Variants in FER1L6 observed in about 807,000 individuals in gnomAD.
FER1L6 encodes the protein fer-1-like protein 6.
Under a neutral mutation model 219.2 loss-of-function variants are expected in FER1L6, and 177 were observed. That is an observed-to-expected ratio of 0.81 (90% CI 0.71 to 0.91). The LOEUF (loss-of-function observed/expected upper bound fraction) is 0.91. Among genes scored for constraint, FER1L6 ranks in the 40% least tolerant of loss-of-function variants. FER1L6 has a pLI of 0.00. For synonymous variants in FER1L6, 768 were observed against 824.3 expected, an observed-to-expected ratio of 0.93 and a Z score of 1.17; for missense variants, 2,153 against 2,259.9, an observed-to-expected ratio of 0.95 and a Z score of 0.96.
Position 123,932,410 on chromosome 8 carries a change from C to T in FER1L6, c.-7-23582C>T, listed in dbSNP as rs201274783. Among the ~76,000 whole-genome samples the T allele has an allele frequency of 7.2e-5, 11 of 152,084 alleles. No homozygotes were observed. In the East Asian group the frequency reaches 1.5e-3, roughly 21 times the overall value. The stretch of plus-strand genomic sequence containing the variant: ...AGGTGTGAGCCACCGTGCCAGGCTC[C>T]GTATTTATTCTTAAAGTTACTTTCT... On this transcript the variant is annotated intron_variant, in intron 1 of 40. Transcript: ENST00000522917.
At chr8:124,025,389 C>T (rs561086404) in intron 18 of FER1L6, among the ~76,000 whole-genome samples, 1 of 152,202 alleles carries the variant, frequency 6.6e-6, no homozygotes, top group South Asian at 2.1e-4. Flanking sequence ...GTTCATTCTT[C>T]TACATGTGGC....
intron 10 of FER1L6, among the ~76,000 whole-genome samples, 181 bp downstream of exon 10, chr8:123,977,790 C>CT (rs1180652623): frequency 6.6e-6 from 1 of 152,202 alleles, no homozygotes; most frequent in Non-Finnish European, 1.5e-5. Context: ...AACTGTTCCA[C>CT]TTCAGATCAT....
At chr8:123,926,983 T>C (rs1563689393) in intron 1 of FER1L6, among the ~76,000 whole-genome samples, 2 of 152,146 alleles carry the variant, frequency 1.3e-5, no homozygotes, top group African/African-American at 4.8e-5. Flanking sequence ...GTAATACATA[T>C]GATTTATTTC....
intron 15 of FER1L6, chr8:124,013,780 G>A: frequency 3.8e-6 from 1 of 261,262 alleles, no homozygotes; most frequent in Non-Finnish European, 7.4e-6. Flanking sequence ...GACTCTGTAG[G>A]AAACAAGAAA....
chr8:124,025,257 T>G (rs2130653005), intron 18 of FER1L6, among the ~76,000 whole-genome samples: 1 of 152,210 alleles, frequency 6.6e-6, no homozygotes, highest in East Asian at 1.9e-4. Context: ...TCATAAATTC[T>G]TTGCCAGAAG....
At chr8:123,918,344 G>A (rs907257856) in intron 1 of FER1L6, among the ~76,000 whole-genome samples, 4 of 151,126 alleles carry the variant, frequency 2.6e-5, no homozygotes, top group East Asian at 1.9e-4. Context: ...ATACATACTC[G>A]CACTGCATGA....
Position 124,003,360 on chromosome 8 carries a change from G to A in FER1L6, c.1700+13G>A. On this transcript the variant is annotated intron_variant, in intron 13 of 40. Transcript: ENST00000522917. ...CAGAAGGGAACAGGTAGGAGACATA[G>A]CCTGGGAGAACAGTCAAGGATTTTG... 1.9e-6 allele frequency: 3 copies of A among 1,596,244 alleles called. No individual in the cohort carries two copies. The highest frequency in any genetic ancestry group is 2.6e-6 in the Non-Finnish European group (3 of 1,169,616).
At chr8:124,002,369 C>T (rs10283048) in intron 12 of FER1L6, among the ~76,000 whole-genome samples, 465 of 152,080 alleles carry the variant, frequency 3.1e-3, no homozygotes, top group African/African-American at 0.011. Context: ...GGGTCAGGAA[C>T]GAAGAAGTTA....
Position 124,030,234 on chromosome 8 carries a change from T to C in FER1L6, c.2287-5043T>C, listed in dbSNP as rs547443422. On this transcript the variant is annotated intron_variant, in intron 18 of 40. Transcript: ENST00000522917. The stretch of plus-strand genomic sequence containing the variant: ...TTTGTAAGTTTTAGGAAACTTCTCT[T>C]CCTGGAAACTATTAATACAGAGGAA... Among the ~76,000 whole-genome samples, 5 of 152,294 alleles carry C rather than the reference T, an allele frequency of 3.3e-5. No homozygotes were observed. The South Asian group carries it at 8.3e-4, about 25-fold the overall frequency.
chr8:123,996,127 A>G (rs887685070), intron 12 of FER1L6, among the ~76,000 whole-genome samples: 1 of 152,158 alleles, frequency 6.6e-6, no homozygotes, highest in Non-Finnish European at 1.5e-5. Flanking sequence ...TGTGTATTCT[A>G]TAGCCATTAG....
At chr8:124,036,969 G>A (rs978241336) in intron 19 of FER1L6, among the ~76,000 whole-genome samples, 4 of 152,238 alleles carry the variant, frequency 2.6e-5, no homozygotes, top group African/African-American at 9.6e-5. Flanking sequence ...GTGACATAGA[G>A]ATGAGTGAGA....
Position 123,976,280 on chromosome 8 carries a change from C to A in FER1L6, c.870+196C>A, listed in dbSNP as rs1204653242. On this transcript the variant is annotated intron_variant, in intron 9 of 40. Transcript: ENST00000522917. ...ACTTTGGCAGGCTGAGGTGGTGAAT[C>A]ACTTGAGGCCAGGAGCTCAAGACCA... is the stretch of plus-strand genomic sequence containing the variant. Among the ~76,000 whole-genome samples the A allele has an allele frequency of 3.9e-5, 6 of 152,110 alleles. No individual in the cohort carries two copies. In the East Asian group the frequency reaches 1.2e-3, roughly 29 times the overall value.
intron 39 of FER1L6, among the ~76,000 whole-genome samples, chr8:124,115,771 C>G (rs1823221212): frequency 6.6e-6 from 1 of 152,160 alleles, no homozygotes; most frequent in African/African-American, 2.4e-5. Context: ...AGCCTCAGTA[C>G]AGTGAGACTT....
At chr8:123,947,601 C>A (rs1027806162) in intron 1 of FER1L6, among the ~76,000 whole-genome samples, 12 of 152,182 alleles carry the variant, frequency 7.9e-5, no homozygotes, top group African/African-American at 2.9e-4. Flanking sequence ...CATAATTCAA[C>A]ATTCATTGAG....
chr8:123,908,316 T>C (rs919990809), intron 1 of FER1L6, among the ~76,000 whole-genome samples: 2 of 152,248 alleles, frequency 1.3e-5, no homozygotes, highest in Admixed American at 1.3e-4. Context: ...CTCTCTCTTC[T>C]CTTGTGAGGC....
Position 123,963,486 on chromosome 8 carries a change from A to G in FER1L6, c.197+88A>G. On this transcript the variant is annotated intron_variant, in intron 3 of 40. Transcript: ENST00000522917. ...TCTACAGGTGCTGGGAGAAGAGAGG[A>G]GAGTAAGACATAGTCACTGTCTACA... The G allele has an allele frequency of 2.7e-6, 4 of 1,464,160 alleles. No homozygotes were observed. In the South Asian group the frequency reaches 4.8e-5, roughly 18 times the overall value. The allele number at this position is 1,464,160 out of a possible 1,614,324, so 90.7% of individuals were successfully genotyped here.
chr8:124,071,355 T>C lies in FER1L6; in HGVS notation c.3967-151T>C, dbSNP rs763728114. ...CTCAGATGCAAGCAGGCTACATAAA[T>C]TGCCCAAGGACACCCAACTGGCAAG... On this transcript the variant is annotated intron_variant, in intron 30 of 40. Transcript: ENST00000522917. 2.7e-5 allele frequency: 23 copies of C among 841,176 alleles called. No homozygotes were observed. In the African/African-American group the frequency reaches 3.4e-4, roughly 12 times the overall value. 52.1% of individuals were successfully genotyped at this position (841,176 alleles called of 1,614,324 possible).
chr8:124,079,496 C>T (rs532732521), intron 32 of FER1L6, among the ~76,000 whole-genome samples: 25 of 152,264 alleles, frequency 1.6e-4, no homozygotes, highest in Admixed American at 1.3e-3. Flanking sequence ...CCTGGATTAG[C>T]GTTTGATTGA....
In FER1L6 at chr8:124,030,294, AATG is replaced by A. The variant is rs370431684; in HGVS notation, c.2287-4980_2287-4978del. Among the ~76,000 whole-genome samples the A allele has an allele frequency of 3.7e-4, 57 of 152,336 alleles. No homozygotes were observed. The East Asian group carries it at 0.011, about 28-fold the overall frequency. ...CTCATCTGTAGTCACACGGCTAAGTAATGATTGATCAGTAACAGCAATGAAGGT... is the reference window on the plus strand; with the variant it reads ...CTCATCTGTAGTCACACGGCTAAGTAATTGATCAGTAACAGCAATGAAGGT... On this transcript the variant is annotated intron_variant, in intron 18 of 40. Coordinates refer to ENST00000522917, the MANE Select transcript of FER1L6 (RefSeq NM_001039112.2).
Sources: gnomAD v4.1 joint callset for allele counts (sites outside exome capture counted in the v4.1 genomes callset) on GRCh38, gnomAD v4.1.1 for gene constraint, MANE v1.5 for transcripts, NCBI Gene and HGNC (gene_info 2026-07-23, HGNC 2026-07-21) for gene names.